TSHZ2: variants seen among roughly 807,000 people sequenced by gnomAD.
TSHZ2 encodes the protein teashirt zinc finger homeobox 2, also known as teashirt homolog 2.
In TSHZ2, 21 loss-of-function variants were observed where a neutral mutation model predicts 74.4. That is an observed-to-expected ratio of 0.28 (90% CI 0.20 to 0.41). TSHZ2 has a LOEUF of 0.41. TSHZ2 is among the 10% of genes least tolerant of loss of function. TSHZ2 has a pLI of 1.00. For missense variants in TSHZ2, 1,244 were observed against 1,293.5 expected, an observed-to-expected ratio of 0.96 and a Z score of 0.59; for synonymous variants, 540 against 515.3, an observed-to-expected ratio of 1.05 and a Z score of -0.65.
At chr20:53,187,611 G>A (rs373737845) in intron 1 of TSHZ2, among the ~76,000 whole-genome samples, 16 of 152,206 alleles carry the variant, frequency 1.1e-4, no homozygotes, top group Non-Finnish European at 1.8e-4. Context: ...TTTAGCACCC[G>A]ACAGGATGTT....
chr20:53,228,778 C>G (rs1214177239), intron 1 of TSHZ2, among the ~76,000 whole-genome samples: 1 of 151,720 alleles, frequency 6.6e-6, no homozygotes, highest in Admixed American at 6.6e-5. Flanking sequence ...GCACCACCTC[C>G]CGAGTTGAGA....
chr20:53,133,474 G>C (rs1157218837), intron 1 of TSHZ2, among the ~76,000 whole-genome samples: 2 of 152,192 alleles, frequency 1.3e-5, no homozygotes, highest in Admixed American at 6.5e-5. Context: ...ACATATGCAT[G>C]CCATGCAGAA....
At chr20:53,164,672 A>G (rs774488002) in intron 1 of TSHZ2, among the ~76,000 whole-genome samples, 1 of 152,174 alleles carries the variant, frequency 6.6e-6, no homozygotes, top group Non-Finnish European at 1.5e-5. Flanking sequence ...AGTGACTACT[A>G]TATTGAACTG....
At chr20:53,224,616 G>C (rs1568821683) in intron 1 of TSHZ2, among the ~76,000 whole-genome samples, 1 of 152,188 alleles carries the variant, frequency 6.6e-6, no homozygotes, top group South Asian at 2.1e-4. Flanking sequence ...TTGGGAGGCT[G>C]AGGCGGATGA....
chr20:53,348,959 A>G (rs1980542623), intron 2 of TSHZ2, among the ~76,000 whole-genome samples: 1 of 152,194 alleles, frequency 6.6e-6, no homozygotes, highest in Non-Finnish European at 1.5e-5. Flanking sequence ...ATTACACTTC[A>G]TCATAGATCA....
chr20:53,214,999 A>T (rs1237703972), intron 1 of TSHZ2, among the ~76,000 whole-genome samples: 4 of 152,192 alleles, frequency 2.6e-5, no homozygotes, highest in African/African-American at 9.7e-5. Context: ...AAAAGGAAGG[A>T]TAAAAAATCC....
intron 1 of TSHZ2, among the ~76,000 whole-genome samples, chr20:53,001,224 G>GTGTGTGTGTGTGTGTGTGTGTA (rs1982415721): frequency 6.8e-6 from 1 of 147,740 alleles, no homozygotes; most frequent in African/African-American, 2.5e-5. Flanking sequence ...GTGTGTGTGT[G>GTGTGTGTGTGTGTGTGTGTGTA]TGTGTGTGTG....
chr20:53,026,716 C>A (rs541978263), intron 1 of TSHZ2, among the ~76,000 whole-genome samples: 1 of 152,220 alleles, frequency 6.6e-6, no homozygotes, highest in Non-Finnish European at 1.5e-5. Flanking sequence ...CATTTAATGC[C>A]TTTTTAACAA....
intron 1 of TSHZ2, among the ~76,000 whole-genome samples, chr20:52,984,242 G>C (rs1981670008): frequency 2.0e-5 from 3 of 152,136 alleles, no homozygotes; most frequent in African/African-American, 7.2e-5. Context: ...CCTTGCATCC[G>C]AATGACAAAG....
intron 2 of TSHZ2, among the ~76,000 whole-genome samples, chr20:53,478,427 C>T (rs996342764): frequency 6.7e-6 from 1 of 149,202 alleles, no homozygotes; most frequent in Non-Finnish European, 1.5e-5. Context: ...AAACCAAACA[C>T]TGCATATTCT....
chr20:53,116,415 C>G (rs1986668259), intron 1 of TSHZ2, among the ~76,000 whole-genome samples: 2 of 152,060 alleles, frequency 1.3e-5, no homozygotes, highest in Non-Finnish European at 2.9e-5. Flanking sequence ...CTCTGGGTGC[C>G]CCAATGTCTT....
At chr20:53,322,635 G>A (rs1430441909) in intron 2 of TSHZ2, among the ~76,000 whole-genome samples, 1 of 152,182 alleles carries the variant, frequency 6.6e-6, no homozygotes, top group Non-Finnish European at 1.5e-5. Context: ...TTGAGCCAGT[G>A]ACAAAGCCCC....
intron 1 of TSHZ2, among the ~76,000 whole-genome samples, chr20:53,161,959 C>A (rs925014211): frequency 5.9e-5 from 9 of 152,164 alleles, no homozygotes; most frequent in African/African-American, 2.2e-4. Context: ...ATTATCACTT[C>A]TCAGATTAGT....
At chr20:53,108,420 G>A (rs563624805) in intron 1 of TSHZ2, among the ~76,000 whole-genome samples, 1 of 152,340 alleles carries the variant, frequency 6.6e-6, no homozygotes, top group Admixed American at 6.5e-5. Flanking sequence ...TTAAAAACAA[G>A]CCGCCCTGAG....
intron 1 of TSHZ2, among the ~76,000 whole-genome samples, chr20:53,106,770 TCAATGCAAC>T (rs1370435262): frequency 1.4e-5 from 2 of 147,498 alleles, no homozygotes; most frequent in African/African-American, 5.1e-5. Context: ...CTATCTTGGC[TCAATGCAAC>T]CTCCACCTCC....
chr20:53,137,300 T>C (rs1051705034), intron 1 of TSHZ2, among the ~76,000 whole-genome samples: 11 of 151,138 alleles, frequency 7.3e-5, no homozygotes, highest in African/African-American at 2.7e-4. Context: ...GTGTTTCTTT[T>C]TTTTTTTTTT....
rs1983072793 is a variant in TSHZ2, at chr20:53,412,088, T to G, written c.*9-75056T>G. On this transcript the variant is annotated intron_variant, in intron 2 of 2. Transcript: ENST00000371497. ...AAGACTTCAGGCAACTCATGACTTT[T>G]CTGCTCACTCTTAGCAGGGACGAGC... 1.3e-5 allele frequency among the ~76,000 whole-genome samples: 2 copies of G among 152,348 alleles called. 1 individual carries two copies. The highest frequency in any genetic ancestry group is 3.9e-4 in the East Asian group (2 of 5,186).
intron 1 of TSHZ2, among the ~76,000 whole-genome samples, chr20:53,182,249 T>TTTC (rs61598200): frequency 7.0e-6 from 1 of 143,444 alleles, no homozygotes; most frequent in Non-Finnish European, 1.5e-5. Flanking sequence ...TCCTTCCTTC[T>TTTC]ATCATTTTTT....
chr20:53,418,645 G>A (rs561230673), intron 2 of TSHZ2, among the ~76,000 whole-genome samples: 1 of 152,156 alleles, frequency 6.6e-6, no homozygotes, highest in Admixed American at 6.5e-5. Context: ...CCACCCCCCA[G>A]GTCCTTCCCA....
Sources: gnomAD v4.1 joint callset for allele counts (sites outside exome capture counted in the v4.1 genomes callset) on GRCh38, gnomAD v4.1.1 for gene constraint, MANE v1.5 for transcripts, NCBI Gene and HGNC (gene_info 2026-07-23, HGNC 2026-07-21) for gene names.